The following NRXN1 variants were observed in gnomAD, a reference collection of about 807,000 sequenced individuals.
NRXN1 encodes neurexin-1.
In NRXN1, 39 loss-of-function variants were observed where a neutral mutation model predicts 150.9. The observed-to-expected ratio is 0.26, with a 90% CI of 0.20 to 0.34. NRXN1 has a LOEUF of 0.34. Ranked by LOEUF, NRXN1 falls within the 10% of genes least tolerant of loss-of-function variation. The pLI is 1.00. For missense variants in NRXN1, 1,815 were observed against 1,949.9 expected (o/e 0.93, Z 1.30); for synonymous variants, 924 against 757.0 (o/e 1.22, Z -3.62).
chr2:50,384,655 T>G (rs2081205258), intron 17 of NRXN1, among the ~76,000 whole-genome samples: 1 of 152,066 alleles, frequency 6.6e-6, no homozygotes, highest in Non-Finnish European at 1.5e-5. Flanking sequence ...ACCCAACTAA[T>G]CTTCAGACTT....
chr2:50,189,102 G>C (rs111485227), intron 18 of NRXN1, among the ~76,000 whole-genome samples: 2,981 of 152,216 alleles, frequency 0.02, 80 homozygotes, highest in African/African-American at 0.069. Flanking sequence ...CAATAGCAAA[G>C]ACTTGGAACC....
intron 18 of NRXN1, among the ~76,000 whole-genome samples, chr2:50,166,635 T>G (rs750229181): frequency 1.3e-5 from 2 of 152,134 alleles, no homozygotes; most frequent in Non-Finnish European, 2.9e-5. Context: ...TAGTAATCTA[T>G]TATTTAGTGA....
intron 18 of NRXN1, among the ~76,000 whole-genome samples, chr2:50,202,109 T>A (rs943273851): frequency 6.6e-6 from 1 of 152,216 alleles, no homozygotes; most frequent in African/African-American, 2.4e-5. Flanking sequence ...CTATGCCTAC[T>A]GTACTGTTTT....
chr2:50,036,894 G>A (rs538003898), intron 21 of NRXN1, among the ~76,000 whole-genome samples: 27 of 152,242 alleles, frequency 1.8e-4, no homozygotes, highest in African/African-American at 6.0e-4. Flanking sequence ...ACCAACATAT[G>A]AACTAGTCCA....
At chr2:50,966,170 T>C (rs1694037344) in intron 2 of NRXN1, among the ~76,000 whole-genome samples, 1 of 151,660 alleles carries the variant, frequency 6.6e-6, no homozygotes, top group African/African-American at 2.4e-5. Flanking sequence ...AAGACGACTT[T>C]CCAAATTCAT....
At chr2:50,628,980 A>C (rs1422271620) in intron 5 of NRXN1, among the ~76,000 whole-genome samples, 1 of 151,704 alleles carries the variant, frequency 6.6e-6, no homozygotes, top group African/African-American at 2.4e-5. Context: ...GAAAAATACA[A>C]AAAAATCCAG....
chr2:50,472,323 G>A lies in NRXN1; in HGVS notation c.3219C>T (p.Asn1073=), dbSNP rs563089155. The A allele has an allele frequency of 7.6e-5, 123 of 1,609,904 alleles. No homozygotes were observed. The East Asian group carries it at 2.5e-3, about 32-fold the overall frequency. ...PDLISDALFC[N]GQIERGCEGP... is the part of the protein sequence containing the mutation. Reference sequence around the variant, plus strand: ...CTTCACATCCTCTCTCGATCTGTCCGTTGCAGAAAAGAGCATCGGAGATGA... The same window carrying A: ...CTTCACATCCTCTCTCGATCTGTCCATTGCAGAAAAGAGCATCGGAGATGA... Residue 1073 remains asparagine, a synonymous_variant, in exon 16 of 23, where the codon AAC becomes AAT. Transcript: ENST00000401669.
intron 5 of NRXN1, among the ~76,000 whole-genome samples, chr2:50,711,695 A>C (rs559172526): frequency 7.2e-5 from 11 of 152,158 alleles, no homozygotes; most frequent in Admixed American, 2.0e-4. Flanking sequence ...TCCAAAACTC[A>C]TGCATTAGAA....
chr2:50,242,159 G>C (rs568846271), intron 17 of NRXN1, among the ~76,000 whole-genome samples: 5 of 151,808 alleles, frequency 3.3e-5, no homozygotes, highest in African/African-American at 1.2e-4. Flanking sequence ...GTGAAAGCCA[G>C]GTACCCAGAT....
chr2:50,104,830 G>A (rs12613778), intron 18 of NRXN1, among the ~76,000 whole-genome samples: 36,624 of 151,716 alleles, frequency 0.24, 4,656 homozygotes, highest in Middle Eastern at 0.33. Flanking sequence ...TTGTTTAGCT[G>A]TGGTATTAAT....
Position 50,712,860 on chromosome 2 carries a change from T to C in NRXN1, c.833-89245A>G, listed in dbSNP as rs1695358673. On this transcript the variant is annotated intron_variant, in intron 5 of 22. Coordinates refer to ENST00000401669, the MANE Select transcript of NRXN1 (RefSeq NM_001330078.2). ...ATCTGGCTGAAATGCCTTGACATTA[T>C]TTTTCTCTGGGAAAGGTGTGTAATT... Among the ~76,000 whole-genome samples the C allele has an allele frequency of 3.9e-5, 6 of 152,180 alleles. 1 individual carries two copies. In the South Asian group the frequency reaches 1.2e-3, roughly 31 times the overall value.
At chr2:50,758,589 C>G (rs757315293) in intron 5 of NRXN1, among the ~76,000 whole-genome samples, 1 of 151,828 alleles carries the variant, frequency 6.6e-6, no homozygotes, top group Non-Finnish European at 1.5e-5. Flanking sequence ...ACTAAAAGTG[C>G]CCACCACCAT....
At chr2:50,332,169 C>T (rs548217394) in intron 17 of NRXN1, among the ~76,000 whole-genome samples, 102 of 152,202 alleles carry the variant, frequency 6.7e-4, no homozygotes, top group African/African-American at 2.4e-3. Context: ...TTAGGTGTTG[C>T]AGGCAATTTA....
At chr2:50,263,284 T>C (rs1332672800) in intron 17 of NRXN1, among the ~76,000 whole-genome samples, 1 of 151,898 alleles carries the variant, frequency 6.6e-6, no homozygotes, top group Non-Finnish European at 1.5e-5. Flanking sequence ...ATTCCTCAGA[T>C]TTGAAAGTTC....
intron 21 of NRXN1, among the ~76,000 whole-genome samples, chr2:49,994,346 T>A (rs1274126376): frequency 6.6e-6 from 1 of 152,218 alleles, no homozygotes; most frequent in African/African-American, 2.4e-5. Context: ...ATTGGTATGT[T>A]TGAAGCAATA....
intron 19 of NRXN1, among the ~76,000 whole-genome samples, chr2:50,081,109 A>G (rs1697898057): frequency 6.6e-6 from 1 of 152,208 alleles, no homozygotes; most frequent in Non-Finnish European, 1.5e-5. Flanking sequence ...GCAGAGATTC[A>G]AAGGAAGTTA....
intron 5 of NRXN1, among the ~76,000 whole-genome samples, chr2:50,778,653 T>C (rs78727991): frequency 0.055 from 8,431 of 152,188 alleles, 366 homozygotes; most frequent in Non-Finnish European, 0.089. Context: ...AGGAGAAATA[T>C]CAATGAAGAC....
intron 5 of NRXN1, among the ~76,000 whole-genome samples, chr2:50,749,771 C>T (rs1305404101): frequency 6.6e-6 from 1 of 151,822 alleles, no homozygotes; most frequent in Non-Finnish European, 1.5e-5. Flanking sequence ...CATTTGAATC[C>T]AATATTCCAT....
chr2:50,045,330 C>T (rs1329264508), intron 21 of NRXN1, among the ~76,000 whole-genome samples: 1 of 152,126 alleles, frequency 6.6e-6, no homozygotes, highest in East Asian at 1.9e-4. Flanking sequence ...CACACATACA[C>T]TTGTATACAC....
Sources: allele counts gnomAD v4.1 joint callset (sites outside exome capture counted in the v4.1 genomes callset), GRCh38; gene constraint gnomAD v4.1.1; transcripts MANE v1.5; gene names NCBI Gene and HGNC (gene_info 2026-07-23, HGNC 2026-07-21).